The following BRD10 variants were observed in gnomAD, a reference collection of about 807,000 sequenced individuals.
BRD10 encodes uncharacterized bromodomain-containing protein 10.
the BRD10 span, chr9:6,008,065 C>A: frequency 1.0e-6 from 1 of 983,842 alleles, no homozygotes; most frequent in Non-Finnish European, 1.2e-6. Context: ...GCGCACGGCC[C>A]TCGCCGGCCT....
the BRD10 span, among the ~76,000 whole-genome samples, chr9:5,952,317 G>A: frequency 3.3e-5 from 5 of 152,112 alleles, no homozygotes; most frequent in East Asian, 1.9e-4. Flanking sequence ...CACTGGGCCC[G>A]GCCAAGACCA....
the BRD10 span, chr9:5,968,882 C>A: frequency 6.2e-7 from 1 of 1,612,998 alleles, no homozygotes; most frequent in Non-Finnish European, 8.5e-7. Context: ...GATAGGCTGT[C>A]CAAGTACAGC....
At chr9:5,951,069 CACACACA>C in the BRD10 span, among the ~76,000 whole-genome samples, 137 of 148,072 alleles carry the variant, frequency 9.3e-4, no homozygotes, top group Middle Eastern at 3.4e-3. Context: ...CACACACACA[CACACACA>C]CCCCCACCCC....
chr9:5,996,569 G>A, the BRD10 span, among the ~76,000 whole-genome samples: 3 of 152,120 alleles, frequency 2.0e-5, no homozygotes, highest in East Asian at 1.9e-4. Flanking sequence ...GACCTCAGGT[G>A]ATCTGCCCAC....
chr9:5,904,340 T>C, the BRD10 span, among the ~76,000 whole-genome samples: 1 of 152,208 alleles, frequency 6.6e-6, no homozygotes, highest in African/African-American at 2.4e-5. Flanking sequence ...ATCTACCATA[T>C]TGTTACTGTT....
the BRD10 span, chr9:5,919,282 C>T: frequency 1.3e-5 from 2 of 153,794 alleles, no homozygotes. Flanking sequence ...AATAAGATTT[C>T]ACTAATGACA....
the BRD10 span, chr9:5,908,651 T>C: frequency 6.2e-7 from 1 of 1,613,908 alleles, no homozygotes; most frequent in Non-Finnish European, 8.5e-7. Context: ...TTCCCAATGC[T>C]CCACCTGCTT....
At chr9:6,002,359 G>A in the BRD10 span, among the ~76,000 whole-genome samples, 478 of 152,132 alleles carry the variant, frequency 3.1e-3, 2 homozygotes, top group Non-Finnish European at 4.7e-3. Flanking sequence ...GGAATATCAA[G>A]CTGTAACATT....
the BRD10 span, among the ~76,000 whole-genome samples, chr9:5,964,193 TCAAA>T: frequency 6.9e-6 from 1 of 145,218 alleles, no homozygotes; most frequent in Admixed American, 6.9e-5. Context: ...TACAATGAAC[TCAAA>T]CAAATTTACA....
At chr9:5,950,465 T>C in the BRD10 span, among the ~76,000 whole-genome samples, 5 of 152,314 alleles carry the variant, frequency 3.3e-5, no homozygotes, top group South Asian at 2.1e-4. Context: ...ACAGAGTTAA[T>C]CAGTGGTAGA....
the BRD10 span, among the ~76,000 whole-genome samples, chr9:5,951,326 C>G: frequency 1.2e-3 from 37 of 30,788 alleles, no homozygotes; most frequent in African/African-American, 2.1e-3. Context: ...CTCATTAGGA[C>G]TTAAAAAAAA....
At chr9:5,968,044 T>C in the BRD10 span, 1 of 1,458,978 alleles carries the variant, frequency 6.9e-7, no homozygotes, top group Non-Finnish European at 9.2e-7. Context: ...TGTGTTTTGC[T>C]TTTTTTTTGA....
At chr9:5,914,519 G>A in the BRD10 span, among the ~76,000 whole-genome samples, 1 of 139,564 alleles carries the variant, frequency 7.2e-6, no homozygotes, top group African/African-American at 2.7e-5. Context: ...CGCCTCCCGG[G>A]TTCACGCCAT....
the BRD10 span, among the ~76,000 whole-genome samples, chr9:5,906,342 A>G: frequency 7.0e-6 from 1 of 143,560 alleles, no homozygotes; most frequent in East Asian, 2.0e-4. Context: ...AAAAAAAAAA[A>G]GAAAAGAAAA....
the BRD10 span, among the ~76,000 whole-genome samples, chr9:5,925,081 A>G: frequency 6.6e-6 from 1 of 152,282 alleles, no homozygotes; most frequent in African/African-American, 2.4e-5. Flanking sequence ...GTATCTGGCC[A>G]GGCATGGTGG....
chr9:5,931,397 T>G, the BRD10 span, among the ~76,000 whole-genome samples: 3 of 152,218 alleles, frequency 2.0e-5, no homozygotes, highest in Non-Finnish European at 4.4e-5. Context: ...TTTTAAAAGA[T>G]TAGAAAGTTT....
the BRD10 span, among the ~76,000 whole-genome samples, chr9:5,996,315 T>A: frequency 1.3e-3 from 191 of 146,246 alleles, 1 homozygote; most frequent in African/African-American, 4.4e-3. Flanking sequence ...TGGTTTTTTT[T>A]TTTGTTGTTG....
chr9:5,966,624 TA>T, the BRD10 span, among the ~76,000 whole-genome samples: 1 of 151,852 alleles, frequency 6.6e-6, no homozygotes, highest in Non-Finnish European at 1.5e-5. Flanking sequence ...CATGCCCAGC[TA>T]ATTTTTGTAT....
At chr9:6,003,165 T>C in the BRD10 span, among the ~76,000 whole-genome samples, 1 of 152,238 alleles carries the variant, frequency 6.6e-6, no homozygotes, top group Non-Finnish European at 1.5e-5. Context: ...ACAAGCTTAT[T>C]TTCACCAAGA....
Sources: gnomAD v4.1 joint callset for allele counts (sites outside exome capture counted in the v4.1 genomes callset) on GRCh38, gnomAD v4.1.1 for gene constraint, MANE v1.5 for transcripts, NCBI Gene and HGNC (gene_info 2026-07-23, HGNC 2026-07-21) for gene names.